The following RAB8B variants were observed in gnomAD, a reference collection of about 807,000 sequenced individuals.
RAB8B encodes the protein ras-related protein Rab-8B.
Under a neutral mutation model 32.0 loss-of-function variants are expected in RAB8B, and 11 were observed. The observed-to-expected ratio is 0.34, with a 90% CI of 0.22 to 0.57. The LOEUF is 0.57. Among genes scored for constraint, RAB8B ranks in the 20% least tolerant of loss-of-function variants. The pLI is 0.86. For synonymous variants in RAB8B, 103 were observed against 89.6 expected (o/e 1.15, Z -0.85); for missense variants, 190 against 258.5 (o/e 0.73, Z 1.82).
chr15:63,212,703 A>G (rs2037758193), intron 1 of RAB8B, among the ~76,000 whole-genome samples: 1 of 152,230 alleles, frequency 6.6e-6, no homozygotes, highest in Non-Finnish European at 1.5e-5. Flanking sequence ...GGACTTCCCC[A>G]AATATTTCCG....
chr15:63,230,805 C>G (rs991778934), intron 1 of RAB8B, among the ~76,000 whole-genome samples: 2 of 152,200 alleles, frequency 1.3e-5, no homozygotes, highest in Non-Finnish European at 1.5e-5. Context: ...AAATGATCCT[C>G]CTGCCTCTGT....
intron 1 of RAB8B, among the ~76,000 whole-genome samples, chr15:63,201,526 A>G (rs993563784): frequency 2.4e-4 from 36 of 152,248 alleles, no homozygotes; most frequent in African/African-American, 8.7e-4. Flanking sequence ...AGAGGGCAGA[A>G]GAGCTTCTAA....
chr15:63,208,559 C>T (rs2037718744), intron 1 of RAB8B, among the ~76,000 whole-genome samples: 1 of 152,114 alleles, frequency 6.6e-6, no homozygotes, highest in South Asian at 2.1e-4. Flanking sequence ...ACTACCACCA[C>T]CTTTTATTCT....
intron 4 of RAB8B, 111 bp from the exon 5 acceptor site, chr15:63,256,394 G>A (rs1052434626): frequency 2.7e-6 from 2 of 751,878 alleles, no homozygotes; most frequent in African/African-American, 1.8e-5. Context: ...CCTTGTGTGA[G>A]TAAAAGATTA....
chr15:63,194,950 T>A (rs982163250), intron 1 of RAB8B, among the ~76,000 whole-genome samples: 1 of 152,240 alleles, frequency 6.6e-6, no homozygotes, highest in African/African-American at 2.4e-5. Flanking sequence ...TATTTTTGGT[T>A]GGTAGCATTT....
intron 2 of RAB8B, among the ~76,000 whole-genome samples, chr15:63,247,569 A>G (rs1373061203): frequency 1.3e-5 from 2 of 152,128 alleles, no homozygotes; most frequent in African/African-American, 4.8e-5. Flanking sequence ...AGCCATATAG[A>G]TTTGGAGCTT....
rs1364510737 is a variant in RAB8B, at chr15:63,251,161, GTCA to G, written c.246+1461_246+1463del. ...TATAATACTTTTAAGATTGTGAAGG[GTCA>G]TCATTTTAATAAAAATAGCTGCCAG... is the stretch of plus-strand genomic sequence containing the variant. On this transcript the variant is annotated intron_variant, in intron 3 of 7. Transcript: ENST00000321437. The G allele has an allele frequency of 2.4e-5, 10 of 414,414 alleles. No individual in the cohort carries two copies. The Admixed American group carries it at 2.5e-4, about 11-fold the overall frequency. The allele number at this position is 414,414 out of a possible 1,614,324, so 25.7% of individuals were successfully genotyped here. A position where few individuals can be genotyped will look rare whatever the true frequency, so the allele number is the denominator to read the frequency against.
At chr15:63,201,268 T>C (rs1323301529) in intron 1 of RAB8B, among the ~76,000 whole-genome samples, 1 of 152,186 alleles carries the variant, frequency 6.6e-6, no homozygotes, top group Non-Finnish European at 1.5e-5. Flanking sequence ...CTCCGTGTTA[T>C]GAAAGTGTGC....
chr15:63,246,021 C>T (rs77489319), intron 2 of RAB8B, among the ~76,000 whole-genome samples: 2,986 of 152,116 alleles, frequency 0.02, 113 homozygotes, highest in East Asian at 0.17. Flanking sequence ...TACAGGCATG[C>T]GCTACCACGC....
chr15:63,211,604 A>T (rs962307887), intron 1 of RAB8B, among the ~76,000 whole-genome samples: 1 of 152,210 alleles, frequency 6.6e-6, no homozygotes. Context: ...TTAAAAGTAC[A>T]GGTAGTGTGG....
intron 1 of RAB8B, among the ~76,000 whole-genome samples, chr15:63,220,862 C>G (rs2037838684): frequency 6.6e-6 from 1 of 152,024 alleles, no homozygotes; most frequent in African/African-American, 2.4e-5. Flanking sequence ...TTCATTTATT[C>G]CTTTAAACAT....
Position 63,217,141 on chromosome 15 carries a change from T to C in RAB8B, c.124+27393T>C, listed in dbSNP as rs187617482. Reference sequence around the variant, plus strand: ...GATATCTCATTAGATAAATCATATATGATTAATGTATGATTAGTCAGATAA... The same window carrying C: ...GATATCTCATTAGATAAATCATATACGATTAATGTATGATTAGTCAGATAA... On this transcript the variant is annotated intron_variant, in intron 1 of 7. Coordinates refer to ENST00000321437, the MANE Select transcript of RAB8B (RefSeq NM_016530.3). Among the ~76,000 whole-genome samples the C allele has an allele frequency of 8.9e-3, 1,358 of 152,318 alleles. 17 individuals carry two copies. The highest frequency in any genetic ancestry group is 0.03 in the African/African-American group (1,248 of 41,574).
At chr15:63,250,605 T>C (rs559604686) in intron 3 of RAB8B, among the ~76,000 whole-genome samples, 4 of 152,188 alleles carry the variant, frequency 2.6e-5, no homozygotes, top group Admixed American at 1.3e-4. Flanking sequence ...TTTTTGGCTC[T>C]GGGCAGTGTG....
intron 1 of RAB8B, among the ~76,000 whole-genome samples, chr15:63,201,590 T>A (rs2037650850): frequency 6.6e-6 from 1 of 152,174 alleles, no homozygotes; most frequent in South Asian, 2.1e-4. Flanking sequence ...CACTGTAGGA[T>A]CATATATGGG....
intron 6 of RAB8B, among the ~76,000 whole-genome samples, chr15:63,262,380 C>T (rs919238163): frequency 1.4e-4 from 22 of 151,986 alleles, no homozygotes; most frequent in Non-Finnish European, 2.8e-4. Flanking sequence ...AAAGAGTAAA[C>T]ACATGCATAC....
intron 1 of RAB8B, among the ~76,000 whole-genome samples, chr15:63,235,518 T>C (rs1417537957): frequency 2.8e-4 from 42 of 152,064 alleles, no homozygotes; most frequent in Admixed American, 2.8e-3. Flanking sequence ...CACTCAATTT[T>C]AGAAATAATA....
intron 3 of RAB8B, among the ~76,000 whole-genome samples, chr15:63,251,835 C>G (rs1277399355): frequency 2.0e-5 from 3 of 152,138 alleles, no homozygotes; most frequent in East Asian, 3.9e-4. Context: ...TTGGATCTCT[C>G]AAGTCATCCA....
At position 63,264,022 on chromosome 15, in the gene RAB8B, C is replaced by T. The variant is rs1344157041; in HGVS notation, c.*403C>T. ...TGTACATGTGGCAATGTTAAAAGAG[C>T]ATTTACAGCAGAGGTTAATATACTA... On this transcript the variant is annotated 3_prime_UTR_variant, in exon 8 of 8. Transcript: ENST00000321437. 1 of 160,918 alleles carries T rather than the reference C, an allele frequency of 6.2e-6. No homozygotes were observed. Among genetic ancestry groups the T allele is most frequent in the Non-Finnish European group, 1.4e-5 (1 of 72,384 alleles). The allele number at this position is 160,918 out of a possible 1,614,324, so 10.0% of individuals were successfully genotyped here.
At chr15:63,204,311 G>A (rs983945611) in intron 1 of RAB8B, among the ~76,000 whole-genome samples, 5 of 152,154 alleles carry the variant, frequency 3.3e-5, no homozygotes, top group African/African-American at 9.7e-5. Context: ...CTACATCAGC[G>A]GGTGTAAGGA....
Sources: allele counts gnomAD v4.1 joint callset (sites outside exome capture counted in the v4.1 genomes callset), GRCh38; gene constraint gnomAD v4.1.1; transcripts MANE v1.5; gene names NCBI Gene and HGNC (gene_info 2026-07-23, HGNC 2026-07-21).